MFSD11: variants seen among roughly 807,000 people sequenced by gnomAD.
MFSD11 encodes the protein major facilitator superfamily domain containing 11.
MFSD11 carries 36 observed loss-of-function variants against 53.5 expected under a neutral mutation model. The ratio of observed to expected loss-of-function variants is 0.67; its 90% CI spans 0.52 to 0.89. MFSD11 has a LOEUF of 0.89. Ranked by LOEUF, MFSD11 falls within the 40% of genes least tolerant of loss-of-function variation. The probability of loss-of-function intolerance (pLI) is 0.00; values close to 1 mark genes in which losing one functional copy is unlikely to be tolerated. For missense variants in MFSD11, 530 were observed against 543.9 expected, an observed-to-expected ratio of 0.97 and a Z score of 0.25; for synonymous variants, 186 against 184.9, an observed-to-expected ratio of 1.01 and a Z score of -0.05.
At chr17:76,741,171 G>A in intron 3 of MFSD11, 107 bp downstream of exon 3, 1 of 778,878 alleles carries the variant, frequency 1.3e-6, no homozygotes. Flanking sequence ...ATAGAATATA[G>A]GTGGTATTTT....
chr17:76,739,417 T>A (rs2077835089), intron 2 of MFSD11, among the ~76,000 whole-genome samples: 1 of 152,248 alleles, frequency 6.6e-6, no homozygotes, highest in Admixed American at 6.5e-5. Flanking sequence ...AATATACGTA[T>A]GTCAGGAGCT....
At position 76,754,807 on chromosome 17, in the gene MFSD11, C is replaced by G. The variant is rs563864934; in HGVS notation, c.682+720C>G. Among the ~76,000 whole-genome samples the G allele has an allele frequency of 9.2e-5, 14 of 152,212 alleles. No homozygotes were observed. The South Asian group carries it at 2.7e-3, about 29-fold the overall frequency. ...TGAGAAGTCTTCCTGGCCAAAGACT[C>G]TGCTGAATTCTTTGTTTTTTACTCT... On this transcript the variant is annotated intron_variant, in intron 8 of 12. Transcript: ENST00000685175.
chr17:76,740,105 G>A (rs983482024), intron 2 of MFSD11, among the ~76,000 whole-genome samples: 6 of 151,074 alleles, frequency 4.0e-5, no homozygotes, highest in Non-Finnish European at 8.8e-5. Context: ...ACCCGGGAAG[G>A]GGAGCTTGCA....
intron 5 of MFSD11, 117 bp downstream of exon 5, chr17:76,742,390 C>A: frequency 1.3e-6 from 1 of 792,082 alleles, no homozygotes; most frequent in Non-Finnish European, 2.0e-6. Flanking sequence ...TAAGTTCTAG[C>A]TAAATGTGAC....
chr17:76,776,625 TG>T lies in MFSD11; in HGVS notation c.1185+86del. 7.8e-7 allele frequency: 1 copy of T among 1,278,936 alleles called. No homozygotes were observed. The highest frequency in any genetic ancestry group is 1.1e-6 in the Non-Finnish European group (1 of 951,536). 79.2% of individuals were successfully genotyped at this position (1,278,936 alleles called of 1,614,324 possible). A position where few individuals can be genotyped will look rare whatever the true frequency, so the allele number is the denominator to read the frequency against. On this transcript the variant is annotated intron_variant, in intron 12 of 12. Coordinates refer to ENST00000685175, the MANE Select transcript of MFSD11 (RefSeq NM_001242532.5). This position sits in a 1 kb window ranked among gnomAD's most constrained non-coding sequence, Gnocchi z 4.2. ...TTGTTTTCCTTGGTTACTTGTATTGTGGTTTTAATTTTTATTTATTTATTTT... is the reference window on the plus strand; with the variant it reads ...TTGTTTTCCTTGGTTACTTGTATTGTGTTTTAATTTTTATTTATTTATTTT...
downstream of MFSD11, among the ~76,000 whole-genome samples, chr17:76,782,539 C>T (rs537682833): frequency 1.6e-5 from 2 of 124,038 alleles, no homozygotes; most frequent in East Asian, 2.7e-4. Flanking sequence ...AATGCAGTGG[C>T]GCAATCTCGG....
intron 8 of MFSD11, among the ~76,000 whole-genome samples, chr17:76,763,271 G>GA (rs2080466635): frequency 6.9e-6 from 1 of 144,378 alleles, no homozygotes; most frequent in Non-Finnish European, 1.5e-5. Flanking sequence ...TTTGTTTTTT[G>GA]TTTTTTTTTT....
chr17:76,794,775 TTCCACC>T, the MFSD11 span, among the ~76,000 whole-genome samples: 1 of 139,162 alleles, frequency 7.2e-6, no homozygotes, highest in Non-Finnish European at 1.5e-5. Context: ...TCACTGCAAC[TTCCACC>T]TCCCAGGTTC....
At chr17:76,790,673 C>T in the MFSD11 span, among the ~76,000 whole-genome samples, 1 of 145,122 alleles carries the variant, frequency 6.9e-6, no homozygotes, top group East Asian at 2.1e-4. Flanking sequence ...AATAGTCTAA[C>T]TCGGCCGGGC....
At chr17:76,766,575 GTCT>G (rs1397339396) in intron 8 of MFSD11, among the ~76,000 whole-genome samples, 1 of 152,090 alleles carries the variant, frequency 6.6e-6, no homozygotes, top group African/African-American at 2.4e-5. Context: ...GGTACAAAAT[GTCT>G]TCTTATATTT....
At position 76,740,961 on chromosome 17, in the gene MFSD11, G is replaced by A. The variant is rs1441671495; in HGVS notation, c.157G>A (p.Ala53Thr). The change falls in exon 3 of 13, where the codon GCT (alanine) becomes ACT (threonine). Residue 53 changes from alanine (A) to threonine (T), a missense_variant. Ala to Thr is a moderately conservative substitution (Grantham distance 58). Transcript: ENST00000685175. ...GTTTGTGTATTATGTGTGCAGCATG[G>A]CTATTATCTATGGAGTGTTCTCTGC... ...DFHGSGYTSMAIIYGVFSASN... is the reference protein window; with the variant it reads ...DFHGSGYTSMTIIYGVFSASN... The A allele has an allele frequency of 2.5e-6, 4 of 1,589,078 alleles. No homozygotes were observed. In the African/African-American group the frequency reaches 5.4e-5, roughly 22 times the overall value.
chr17:76,748,296 A>G (rs993670056), intron 7 of MFSD11, among the ~76,000 whole-genome samples: 1 of 152,132 alleles, frequency 6.6e-6, no homozygotes, highest in African/African-American at 2.4e-5. Flanking sequence ...TCTTAGTGTG[A>G]TTAGAAGCTG....
At chr17:76,782,474 C>CTTTTT (rs33999736), downstream of MFSD11, among the ~76,000 whole-genome samples, 30 of 76,200 alleles carry the variant, frequency 3.9e-4, 1 homozygote, top group Non-Finnish European at 5.3e-4. Flanking sequence ...CGCGCCCAGG[C>CTTTTT]TTTTTTTTTT....
the MFSD11 span, among the ~76,000 whole-genome samples, chr17:76,795,171 T>C: frequency 1.3e-5 from 2 of 151,888 alleles, no homozygotes; most frequent in Non-Finnish European, 2.9e-5. Flanking sequence ...GCATTTACAT[T>C]GTATTAGGTA....
chr17:76,795,644 G>A, the MFSD11 span, among the ~76,000 whole-genome samples: 25 of 152,196 alleles, frequency 1.6e-4, no homozygotes, highest in Non-Finnish European at 3.2e-4. Context: ...GACAATCAGT[G>A]GAAGATGAGG....
intron 4 of MFSD11, 50 bp from the exon 5 acceptor site, chr17:76,742,127 G>T: frequency 7.4e-6 from 12 of 1,613,500 alleles, no homozygotes; most frequent in Non-Finnish European, 1.0e-5. Context: ...TTTAGTATGT[G>T]ACTCTAAGTG....
At chr17:76,802,786 G>C in the MFSD11 span, among the ~76,000 whole-genome samples, 1 of 152,156 alleles carries the variant, frequency 6.6e-6, no homozygotes, top group Non-Finnish European at 1.5e-5. Context: ...AGTACACTCA[G>C]ACAATTGCAA....
intron 5 of MFSD11, among the ~76,000 whole-genome samples, chr17:76,742,516 T>A (rs982191673): frequency 2.6e-5 from 4 of 151,624 alleles, no homozygotes; most frequent in Non-Finnish European, 4.4e-5. Context: ...TTTTTTTTTT[T>A]AAATGAGACG....
chr17:76,737,300 G>T (rs1159844361), upstream of MFSD11: 3 of 1,199,734 alleles, frequency 2.5e-6, no homozygotes, highest in South Asian at 1.7e-5. Flanking sequence ...GCACGGACGG[G>T]CTCCGCAGGC....
Sources: gnomAD v4.1 joint callset for allele counts (sites outside exome capture counted in the v4.1 genomes callset) on GRCh38, gnomAD v4.1.1 for gene constraint, Gnocchi (gnomAD v3.1) non-coding constraint, MANE v1.5 for transcripts, NCBI Gene and HGNC (gene_info 2026-07-23, HGNC 2026-07-21) for gene names.